The following PCDH9 variants were observed in gnomAD, a reference collection of about 807,000 sequenced individuals.
PCDH9 encodes protocadherin-9.
PCDH9 carries 24 observed loss-of-function variants against 70.6 expected under a neutral mutation model. The ratio of observed to expected loss-of-function variants is 0.34; its 90% confidence interval spans 0.25 to 0.48. The LOEUF (loss-of-function observed/expected upper bound fraction) is 0.48, where lower values mean the gene tolerates loss of function less well. Among genes scored for constraint, PCDH9 ranks in the 20% least tolerant of loss-of-function variants. The pLI, the probability that PCDH9 is intolerant of heterozygous loss-of-function variation, is 0.99. For missense variants in PCDH9, 1,281 were observed against 1,503.6 expected, an observed-to-expected ratio of 0.85 and a Z score of 2.45; for synonymous variants, 562 against 558.5, an observed-to-expected ratio of 1.01 and a Z score of -0.09.
chr13:66,635,764 TCA>T (rs1388146671), intron 3 of PCDH9, among the ~76,000 whole-genome samples: 1 of 152,108 alleles, frequency 6.6e-6, no homozygotes. Context: ...AGTGAATGAC[TCA>T]CATTCAAGCC....
intron 4 of PCDH9, among the ~76,000 whole-genome samples, chr13:66,628,264 A>G (rs1417075500): frequency 1.3e-5 from 2 of 152,188 alleles, no homozygotes; most frequent in African/African-American, 4.8e-5. Context: ...TTTCTCTTAG[A>G]GACTTCAGAC....
intron 3 of PCDH9, among the ~76,000 whole-genome samples, chr13:66,685,092 A>T (rs1346678932): frequency 6.6e-6 from 1 of 152,206 alleles, no homozygotes; most frequent in Non-Finnish European, 1.5e-5. Context: ...CTAAGTAACA[A>T]GGTGCCAAAT....
At chr13:66,489,706 T>C (rs1959002487) in intron 4 of PCDH9, among the ~76,000 whole-genome samples, 1 of 152,162 alleles carries the variant, frequency 6.6e-6, no homozygotes, top group Non-Finnish European at 1.5e-5. Flanking sequence ...TCCATCTGTA[T>C]ATGCCTAGTT....
At chr13:66,645,143 T>A (rs964288020) in intron 3 of PCDH9, among the ~76,000 whole-genome samples, 3 of 151,504 alleles carry the variant, frequency 2.0e-5, no homozygotes, top group Admixed American at 2.0e-4. Flanking sequence ...TCTAGAAGAG[T>A]TTCATCAGAT....
chr13:66,577,881 C>T (rs922859200), intron 4 of PCDH9, among the ~76,000 whole-genome samples: 5 of 152,008 alleles, frequency 3.3e-5, no homozygotes, highest in African/African-American at 1.2e-4. Flanking sequence ...TAACTGTAAG[C>T]TCAGCTGATA....
intron 2 of PCDH9, among the ~76,000 whole-genome samples, chr13:66,961,781 G>A (rs891824345): frequency 1.1e-4 from 16 of 151,930 alleles, no homozygotes; most frequent in South Asian, 2.1e-4. Flanking sequence ...GACCAGGTGC[G>A]GTGGCTCATA....
intron 3 of PCDH9, among the ~76,000 whole-genome samples, chr13:66,819,527 C>G (rs962617244): frequency 2.0e-5 from 3 of 152,082 alleles, no homozygotes; most frequent in African/African-American, 7.2e-5. Context: ...AAGGACGACA[C>G]TTCTCATTGG....
At chr13:66,488,984 T>C (rs374285873) in intron 4 of PCDH9, among the ~76,000 whole-genome samples, 3 of 152,128 alleles carry the variant, frequency 2.0e-5, no homozygotes, top group Non-Finnish European at 4.4e-5. Flanking sequence ...TACTGAAATA[T>C]GTGTTCGTAT....
chr13:66,763,857 G>A (rs1418706494), intron 3 of PCDH9, among the ~76,000 whole-genome samples: 1 of 151,954 alleles, frequency 6.6e-6, no homozygotes, highest in African/African-American at 2.4e-5. Context: ...GGAGTGCAGT[G>A]GCACAATCTC....
intron 3 of PCDH9, among the ~76,000 whole-genome samples, chr13:66,815,225 C>T (rs1218777696): frequency 6.6e-6 from 1 of 152,064 alleles, no homozygotes; most frequent in Non-Finnish European, 1.5e-5. Flanking sequence ...CAATGAGATA[C>T]CATCTCGCAC....
intron 3 of PCDH9, among the ~76,000 whole-genome samples, chr13:66,770,972 G>A (rs1012672196): frequency 6.6e-6 from 1 of 152,114 alleles, no homozygotes; most frequent in African/African-American, 2.4e-5. Context: ...ATACCTTTCA[G>A]GACTCAGCTT....
chr13:67,054,736 T>C (rs1331013306), intron 2 of PCDH9, among the ~76,000 whole-genome samples: 3 of 152,180 alleles, frequency 2.0e-5, no homozygotes, highest in Non-Finnish European at 4.4e-5. Context: ...AGAAATTTGT[T>C]ATAATCAAAG....
intron 3 of PCDH9, among the ~76,000 whole-genome samples, chr13:66,843,344 A>G (rs1212910410): frequency 1.4e-5 from 1 of 70,014 alleles, no homozygotes; most frequent in Non-Finnish European, 3.1e-5. Flanking sequence ...AGCTACACAC[A>G]TGCACATACA....
At chr13:66,519,144 T>A (rs1959876495) in intron 4 of PCDH9, among the ~76,000 whole-genome samples, 1 of 152,118 alleles carries the variant, frequency 6.6e-6, no homozygotes, top group South Asian at 2.1e-4. Context: ...GGGCTGGTTA[T>A]CTCCACTGGC....
intron 3 of PCDH9, among the ~76,000 whole-genome samples, chr13:66,656,001 A>G (rs568662265): frequency 2.2e-4 from 34 of 152,326 alleles, no homozygotes; most frequent in African/African-American, 7.2e-5. Context: ...TAACTTTTTA[A>G]TCAGGCATTT....
chr13:66,850,359 A>C (rs932023299), intron 3 of PCDH9, among the ~76,000 whole-genome samples: 3 of 152,124 alleles, frequency 2.0e-5, no homozygotes, highest in Non-Finnish European at 2.9e-5. Context: ...TCTCTACTAA[A>C]AATGCAGAAA....
chr13:67,090,483 G>GT (rs1333262201), intron 2 of PCDH9, among the ~76,000 whole-genome samples: 2 of 151,914 alleles, frequency 1.3e-5, no homozygotes, highest in Admixed American at 6.6e-5. Flanking sequence ...TAAAGATGGT[G>GT]TTTTTTTCTT....
At chr13:66,903,031 T>TA (rs980329106) in intron 3 of PCDH9, among the ~76,000 whole-genome samples, 81 of 150,656 alleles carry the variant, frequency 5.4e-4, no homozygotes, top group African/African-American at 1.5e-3. Flanking sequence ...TATAAAGTAG[T>TA]AAAAAAAAAG....
intron 4 of PCDH9, among the ~76,000 whole-genome samples, chr13:66,514,487 T>C (rs1201033168): frequency 2.4e-5 from 2 of 81,694 alleles, no homozygotes; most frequent in Admixed American, 1.4e-4. Flanking sequence ...ATGGAGTGAA[T>C]TCAAAAAAAA....
Sources: gnomAD v4.1 joint callset for allele counts (sites outside exome capture counted in the v4.1 genomes callset) on GRCh38, gnomAD v4.1.1 for gene constraint, MANE v1.5 for transcripts, NCBI Gene and HGNC (gene_info 2026-07-23, HGNC 2026-07-21) for gene names.